NSUN3: variants seen among roughly 807,000 people sequenced by gnomAD.
The protein encoded by NSUN3 is tRNA (cytosine(34)-C(5))-methyltransferase, mitochondrial.
In NSUN3, 24 loss-of-function variants were observed where a neutral mutation model predicts 36.8. The ratio of observed to expected loss-of-function variants is 0.65; its 90% CI spans 0.47 to 0.92. The LOEUF is 0.92. Ranked by LOEUF, NSUN3 falls within the 40% of genes least tolerant of loss-of-function variation. The pLI is 0.00. For synonymous variants in NSUN3, 146 were observed against 145.2 expected, an observed-to-expected ratio of 1.01 and a Z score of -0.04; for missense variants, 381 against 392.8, an observed-to-expected ratio of 0.97 and a Z score of 0.25.
At chr3:94,077,195 GA>G in intron 2 of NSUN3, 1 of 685,336 alleles carries the variant, frequency 1.5e-6, no homozygotes, top group South Asian at 1.6e-5. Flanking sequence ...CGAGCCAGGG[GA>G]ATACTGGAGT....
At chr3:94,119,833 A>T (rs2077454302) in intron 5 of NSUN3, among the ~76,000 whole-genome samples, 1 of 152,274 alleles carries the variant, frequency 6.6e-6, no homozygotes, top group Admixed American at 6.5e-5. Context: ...AGGAATCCCT[A>T]ACATTTGCCT....
intron 5 of NSUN3, among the ~76,000 whole-genome samples, chr3:94,096,032 T>TG (rs1470063457): frequency 6.6e-6 from 1 of 151,748 alleles, no homozygotes; most frequent in African/African-American, 2.4e-5. Flanking sequence ...GTGCTGGGAT[T>TG]ACAGGCGTGA....
At chr3:94,090,972 A>G (rs1318680255) in intron 3 of NSUN3, among the ~76,000 whole-genome samples, 1 of 152,192 alleles carries the variant, frequency 6.6e-6, no homozygotes, top group Non-Finnish European at 1.5e-5. Flanking sequence ...TCCTCTCCAA[A>G]TAACTGCAAG....
At chr3:94,098,929 C>T (rs1239565945) in intron 5 of NSUN3, among the ~76,000 whole-genome samples, 1 of 152,026 alleles carries the variant, frequency 6.6e-6, no homozygotes, top group African/African-American at 2.4e-5. Context: ...TAGTACGTGC[C>T]TCTCTTTTTG....
At chr3:94,120,357 C>T (rs964647317) in intron 5 of NSUN3, among the ~76,000 whole-genome samples, 5 of 152,204 alleles carry the variant, frequency 3.3e-5, no homozygotes, top group Non-Finnish European at 5.9e-5. Context: ...GTTGTACTAC[C>T]AATCTCCAGA....
rs1190006574 is a variant in NSUN3 at position 94,078,921 on chromosome 3, T to C, written c.123-5186T>C. Among the ~76,000 whole-genome samples, 9 of 152,216 alleles carry C rather than the reference T, an allele frequency of 5.9e-5. No individual in the cohort carries two copies. In the South Asian group the frequency reaches 1.5e-3, roughly 25 times the overall value. On this transcript the variant is annotated intron_variant, in intron 2 of 5. Coordinates refer to ENST00000314622, the MANE Select transcript of NSUN3 (RefSeq NM_022072.5). ...GTCTGTGTCTTTTAATTGGTGCATT[T>C]AGCCTGTTTAAAGGTAATATCGTTA...
intron 5 of NSUN3, among the ~76,000 whole-genome samples, chr3:94,106,552 T>G (rs2077389753): frequency 6.6e-6 from 1 of 152,224 alleles, no homozygotes; most frequent in Non-Finnish European, 1.5e-5. Context: ...TGTTTTAGAT[T>G]CTTATAGTAC....
chr3:94,095,210 A>G (rs1460142377), intron 5 of NSUN3, 56 bp downstream of exon 5: 10 of 1,550,912 alleles, frequency 6.4e-6, no homozygotes, highest in Admixed American at 5.1e-5. Context: ...TTACACAGGC[A>G]TAATAGAACA....
chr3:94,127,366 G>C lies in NSUN3; in HGVS notation c.*876G>C, dbSNP rs975533422. 6.6e-6 allele frequency: 1 copy of C among 152,134 alleles called. No individual in the cohort carries two copies. Among genetic ancestry groups the C allele is most frequent in the Non-Finnish European group, 1.5e-5 (1 of 68,014 alleles). The allele number at this position is 152,134 out of a possible 1,614,324, so 9.4% of individuals were successfully genotyped here. A position where few individuals can be genotyped will look rare whatever the true frequency, so the allele number is the denominator to read the frequency against. ...TATCTTACATTCACAATCTGGAGGG[G>C]CTTTTTATTTCACTTTGTTATAAAA... On this transcript the variant is annotated 3_prime_UTR_variant, in exon 6 of 6. Transcript: ENST00000314622.
At chr3:94,084,558 G>T (rs2077284602) in intron 3 of NSUN3, 108 bp downstream of exon 3, 14 of 801,210 alleles carry the variant, frequency 1.7e-5, no homozygotes, top group Non-Finnish European at 2.6e-5. Context: ...TGCAAACTCA[G>T]GAAGCCTGAA....
chr3:94,128,926 T>A lies in NSUN3; in HGVS notation c.*2436T>A, dbSNP rs1454710965. Reference sequence around the variant, plus strand: ...TCACTAATCATCAGAGAAATGCAAATCAAAACCACACTGAGATAATATTTT... The same window carrying A: ...TCACTAATCATCAGAGAAATGCAAAACAAAACCACACTGAGATAATATTTT... On this transcript the variant is annotated 3_prime_UTR_variant, in exon 6 of 6. Transcript: ENST00000314622. Among the ~76,000 whole-genome samples, 2 of 151,932 alleles carry A rather than the reference T, an allele frequency of 1.3e-5. No homozygotes were observed. The highest frequency in any genetic ancestry group is 4.8e-5 in the African/African-American group (2 of 41,358).
At chr3:94,124,148 C>CTTTTTTTT (rs58987431) in intron 5 of NSUN3, among the ~76,000 whole-genome samples, 20 of 88,180 alleles carry the variant, frequency 2.3e-4, no homozygotes, top group East Asian at 7.4e-4. Context: ...TATTTTATTT[C>CTTTTTTTT]TTTTTTTTTT....
intron 5 of NSUN3, among the ~76,000 whole-genome samples, chr3:94,101,166 ATTCTTTTC>A (rs914017051): frequency 6.6e-5 from 10 of 151,822 alleles, no homozygotes; most frequent in Non-Finnish European, 1.3e-4. Context: ...TAATTTTTAA[ATTCTTTTC>A]TAGAGACAGT....
intron 2 of NSUN3, among the ~76,000 whole-genome samples, chr3:94,080,244 G>A (rs553539222): frequency 2.6e-5 from 4 of 152,302 alleles, no homozygotes; most frequent in African/African-American, 9.6e-5. Context: ...ACCAGCGGAG[G>A]CTGCAGAACA....
intron 3 of NSUN3, 102 bp from the exon 4 acceptor site, chr3:94,094,038 A>G (rs140271605): frequency 1.2e-6 from 1 of 817,628 alleles, no homozygotes; most frequent in East Asian, 2.7e-5. Flanking sequence ...ATTTCTGCAT[A>G]ATTATGATGA....
intron 5 of NSUN3, among the ~76,000 whole-genome samples, chr3:94,120,570 T>G (rs2077457305): frequency 6.6e-6 from 1 of 152,238 alleles, no homozygotes; most frequent in South Asian, 2.1e-4. Flanking sequence ...TTCTCAGGGT[T>G]AATCCATGTT....
intron 3 of NSUN3, among the ~76,000 whole-genome samples, chr3:94,086,889 G>T (rs1422129286): frequency 2.6e-5 from 4 of 152,252 alleles, no homozygotes; most frequent in Non-Finnish European, 5.9e-5. Context: ...ATTAATTCAG[G>T]ATATGGAATT....
At chr3:94,064,143 G>T (rs1345793979) in intron 1 of NSUN3, 3 of 329,400 alleles carry the variant, frequency 9.1e-6, no homozygotes, top group Non-Finnish European at 1.7e-5. Context: ...CACCTGCCTA[G>T]CCCCTACAGT....
At chr3:94,108,824 C>A (rs766267498) in intron 5 of NSUN3, among the ~76,000 whole-genome samples, 38 of 152,124 alleles carry the variant, frequency 2.5e-4, no homozygotes, top group Non-Finnish European at 5.1e-4. Context: ...CACCACAACA[C>A]CTGGCTAATT....
Sources: gnomAD v4.1 joint callset for allele counts (sites outside exome capture counted in the v4.1 genomes callset) on GRCh38, gnomAD v4.1.1 for gene constraint, MANE v1.5 for transcripts, NCBI Gene and HGNC (gene_info 2026-07-23, HGNC 2026-07-21) for gene names.